TAF4: variants seen among roughly 807,000 people sequenced by gnomAD.
TAF4 encodes the protein transcription initiation factor TFIID subunit 4.
A neutral mutation model predicts 90.3 loss-of-function variants in TAF4; 9 were observed. The observed-to-expected ratio is 0.10, with a 90% CI of 0.06 to 0.17. TAF4 has a LOEUF of 0.17. Among genes scored for constraint, TAF4 ranks in the 10% least tolerant of loss-of-function variants. The probability of loss-of-function intolerance (pLI) is 1.00; values close to 1 mark genes in which losing one functional copy is unlikely to be tolerated. For synonymous variants in TAF4, 818 were observed against 638.9 expected, an observed-to-expected ratio of 1.28 and a Z score of -4.23; for missense variants, 1,351 against 1,370.7, an observed-to-expected ratio of 0.99 and a Z score of 0.23.
In TAF4 at chr20:62,047,175, G is replaced by A. The variant is rs184319366; in HGVS notation, c.1360+17276C>T. 1.5e-3 allele frequency among the ~76,000 whole-genome samples: 232 copies of A among 152,028 alleles called. 5 individuals are homozygous for A. The highest frequency in any genetic ancestry group is 2.1e-4 in the Non-Finnish European group (14 of 67,982). On this transcript the variant is annotated intron_variant, in intron 1 of 14. Transcript: ENST00000252996. ...ACTGTATTTTACTCATCTATTCTTC[G>A]ACAATTACTCTCTTTTCAGAAGGAC... is the stretch of plus-strand genomic sequence containing the variant.
At chr20:62,001,759 C>T (rs1407478930) in intron 9 of TAF4, among the ~76,000 whole-genome samples, 1 of 152,212 alleles carries the variant, frequency 6.6e-6, no homozygotes, top group Non-Finnish European at 1.5e-5. Flanking sequence ...CTGACATCCA[C>T]GTCCACGTCA....
rs545583149 is a variant in TAF4, at chr20:62,064,755, C to A, written c.1056G>T (p.Gln352His). 1,420 of 1,161,488 alleles carry A rather than the reference C, an allele frequency of 1.2e-3. 18 individuals carry two copies. The African/African-American group carries it at 0.021, about 18-fold the overall frequency. The allele number at this position is 1,161,488 out of a possible 1,614,324, so 71.9% of individuals were successfully genotyped here. Residue 352 changes from glutamine to histidine, a missense_variant, in exon 1 of 15, where the codon CAG (glutamine) becomes CAT (histidine). By Grantham distance (24) the Gln-to-His change is conservative. This residue lies in a region of TAF4 where 782 missense variants were observed against 536.6 expected (regional missense o/e 1.46). Transcript: ENST00000252996. Reference sequence around the variant, plus strand: ...GGGTCTGCGCCGCCGGGGGCGCCGCCTGCACCACCCTCTTGGGCGACTCGG... The same window carrying A: ...GGGTCTGCGCCGCCGGGGGCGCCGCATGCACCACCCTCTTGGGCGACTCGG... Reference protein sequence around the residue: ...VKAESPKRVVQAAPPAAQTLA... With the variant: ...VKAESPKRVVHAAPPAAQTLA...
At chr20:62,025,826 A>G (rs1336889364) in intron 1 of TAF4, among the ~76,000 whole-genome samples, 1 of 152,212 alleles carries the variant, frequency 6.6e-6, no homozygotes, top group African/African-American at 2.4e-5. Flanking sequence ...AGTGACAGAA[A>G]GCAGATGGGA....
intron 1 of TAF4, among the ~76,000 whole-genome samples, chr20:62,031,305 G>GCC (rs2055903016): frequency 6.6e-6 from 1 of 152,200 alleles, no homozygotes; most frequent in Admixed American, 6.5e-5. Context: ...TTGAGGCCCA[G>GCC]CATGTGCAGA....
chr20:61,996,271 A>G (rs2055662171), intron 14 of TAF4, among the ~76,000 whole-genome samples: 1 of 152,074 alleles, frequency 6.6e-6, no homozygotes, highest in African/African-American at 2.4e-5. Flanking sequence ...AGTCCCAGCT[A>G]CTCGGGAAGC....
chr20:62,019,938 T>C (rs2055833327), intron 1 of TAF4, among the ~76,000 whole-genome samples: 1 of 152,168 alleles, frequency 6.6e-6, no homozygotes, highest in Admixed American at 6.5e-5. Flanking sequence ...CGCCCCGCAC[T>C]CTCAGCACAA....
chr20:61,982,231 G>GCCC (rs1568920727), intron 14 of TAF4, among the ~76,000 whole-genome samples: 3,018 of 33,406 alleles, frequency 0.09, 1 homozygote, highest in Non-Finnish European at 0.11. Context: ...CACACCCACT[G>GCCC]AGAGGAAACA....
At chr20:61,998,040 C>G in intron 13 of TAF4, 96 bp downstream of exon 13, 1 of 1,172,198 alleles carries the variant, frequency 8.5e-7, no homozygotes, top group Non-Finnish European at 1.2e-6. Context: ...AAATGCCTAT[C>G]GTACAGAAGT....
At chr20:61,997,195 T>G (rs1282846570) in intron 14 of TAF4, among the ~76,000 whole-genome samples, 3 of 152,180 alleles carry the variant, frequency 2.0e-5, no homozygotes, top group Non-Finnish European at 4.4e-5. Flanking sequence ...CTGTCCATTC[T>G]CCTACAGCAG....
At chr20:61,993,400 C>T (rs1389574339) in intron 14 of TAF4, among the ~76,000 whole-genome samples, 2 of 152,202 alleles carry the variant, frequency 1.3e-5, no homozygotes, top group African/African-American at 4.8e-5. Context: ...ACCACAAGGG[C>T]ACCGCCAGCA....
At position 62,065,636 on chromosome 20, in the gene TAF4, C is replaced by G. The variant is rs1364440455; in HGVS notation, c.175G>C (p.Gly59Arg). Reference protein sequence around the residue: ...EVRAAAAGALGNHVVSGSPAG... With the variant: ...EVRAAAAGALRNHVVSGSPAG... ...GGGCTGCCGCTCACAACATGGTTCC[C>G]GAGCGCGCCGGCGGCCGCGGCCCGC... Residue 59 changes from glycine to arginine, a missense_variant, in exon 1 of 15, where the codon GGG (glycine) becomes CGG (arginine). Gly to Arg is a moderately radical substitution (Grantham distance 125). Transcript: ENST00000252996. 1.2e-5 allele frequency: 13 copies of G among 1,047,788 alleles called. No homozygotes were observed. The highest frequency in any genetic ancestry group is 1.5e-5 in the Non-Finnish European group (13 of 873,264). 64.9% of individuals were successfully genotyped at this position (1,047,788 alleles called of 1,614,324 possible). A position where few individuals can be genotyped will look rare whatever the true frequency, so the allele number is the denominator to read the frequency against.
intron 1 of TAF4, among the ~76,000 whole-genome samples, chr20:62,047,309 C>T (rs1296599751): frequency 1.3e-5 from 2 of 152,200 alleles, no homozygotes; most frequent in Non-Finnish European, 2.9e-5. Flanking sequence ...CGAGAGGTCA[C>T]ACCACCAGCC....
At chr20:62,028,089 C>G (rs1050691120) in intron 1 of TAF4, among the ~76,000 whole-genome samples, 5 of 152,354 alleles carry the variant, frequency 3.3e-5, no homozygotes, top group Middle Eastern at 3.4e-3. Flanking sequence ...GCTCCTGCAG[C>G]TGAGCCTCCC....
intron 1 of TAF4, among the ~76,000 whole-genome samples, chr20:62,015,911 T>C (rs2055809501): frequency 6.6e-6 from 1 of 152,176 alleles, no homozygotes. Context: ...AAAAGCCACA[T>C]TTATGCCCAT....
intron 14 of TAF4, among the ~76,000 whole-genome samples, chr20:61,990,940 G>A (rs1190771052): frequency 6.6e-6 from 1 of 152,160 alleles, no homozygotes; most frequent in Non-Finnish European, 1.5e-5. Context: ...ATTAGCAACA[G>A]AAAGACATTC....
intron 14 of TAF4, chr20:61,980,001 A>C (rs1035119105): frequency 1.4e-4 from 21 of 152,594 alleles, no homozygotes; most frequent in African/African-American, 5.1e-4. Context: ...CCTCGGCCTA[A>C]ACAACTCCAA....
chr20:62,022,515 C>A (rs970729429), intron 1 of TAF4, among the ~76,000 whole-genome samples: 1 of 152,228 alleles, frequency 6.6e-6, no homozygotes, highest in African/African-American at 2.4e-5. Flanking sequence ...GACATTCGAA[C>A]CCTCTCCATG....
At chr20:62,057,046 C>T (rs1186744496) in intron 1 of TAF4, among the ~76,000 whole-genome samples, 2 of 152,192 alleles carry the variant, frequency 1.3e-5, no homozygotes, top group Non-Finnish European at 2.9e-5. Flanking sequence ...GACCACGCTC[C>T]TCCGCAGAAG....
rs2056127126 is a variant in TAF4 at position 62,065,683 on chromosome 20, A to G, written c.128T>C (p.Leu43Pro). Residue 43 changes from leucine to proline, a missense_variant, in exon 1 of 15, where the codon CTC (leucine) becomes CCC (proline). Physicochemically the swap from Leu to Pro is moderately conservative, Grantham distance 98. Transcript: ENST00000252996. ...LAASAAHHHH[L>P]APRTPEVRAA... ...CCGCACCTCGGGCGTGCGCGGCGCG[A>G]GGTGGTGGTGGTGGGCCGCGCTGGC... is the stretch of plus-strand genomic sequence containing the variant. 1.7e-6 allele frequency: 2 copies of G among 1,199,582 alleles called. No homozygotes were observed. Among genetic ancestry groups the G allele is most frequent in the Non-Finnish European group, 2.1e-6 (2 of 952,866 alleles). The allele number at this position is 1,199,582 out of a possible 1,614,324, so 74.3% of individuals were successfully genotyped here.
Sources: gnomAD v4.1 joint callset for allele counts (sites outside exome capture counted in the v4.1 genomes callset) on GRCh38, gnomAD v4.1.1 for gene constraint, gnomAD v4.1.1 regional missense constraint, MANE v1.5 for transcripts, NCBI Gene and HGNC (gene_info 2026-07-23, HGNC 2026-07-21) for gene names.